NDUFAF2: variants seen among roughly 807,000 people sequenced by gnomAD.
The protein encoded by NDUFAF2 is NADH:ubiquinone oxidoreductase complex assembly factor 2.
Under a neutral mutation model 22.8 loss-of-function variants are expected in NDUFAF2, and 13 were observed. The ratio of observed to expected loss-of-function variants is 0.57; its 90% CI spans 0.37 to 0.91. The LOEUF (loss-of-function observed/expected upper bound fraction) is 0.91, where lower values mean the gene tolerates loss of function less well. Among genes scored for constraint, NDUFAF2 ranks in the 40% least tolerant of loss-of-function variants. The pLI is 0.01. For synonymous variants in NDUFAF2, 53 were observed against 64.2 expected (o/e 0.83, Z 0.84); for missense variants, 162 against 195.2 (o/e 0.83, Z 1.01).
intron 2 of NDUFAF2, among the ~76,000 whole-genome samples, chr5:61,093,038 G>A (rs7713481): frequency 0.42 from 63,631 of 152,008 alleles, 14,191 homozygotes; most frequent in East Asian, 0.81. Flanking sequence ...AATCACTGGT[G>A]TAAGTTCAAG....
intron 2 of NDUFAF2, among the ~76,000 whole-genome samples, chr5:61,074,001 C>T (rs988397598): frequency 2.0e-5 from 3 of 152,186 alleles, no homozygotes; most frequent in Non-Finnish European, 4.4e-5. Context: ...CTTTCTGGTT[C>T]CCAGTTCAGT....
chr5:61,043,786 T>C (rs1262569828), intron 1 of NDUFAF2, among the ~76,000 whole-genome samples: 1 of 152,096 alleles, frequency 6.6e-6, no homozygotes, highest in Non-Finnish European at 1.5e-5. Context: ...GTTCTATCCA[T>C]ATCTTGGCTA....
intron 1 of NDUFAF2, among the ~76,000 whole-genome samples, chr5:61,025,464 A>T (rs1451250033): frequency 1.3e-5 from 2 of 152,106 alleles, no homozygotes; most frequent in Admixed American, 6.6e-5. Flanking sequence ...TTTTTTAAAC[A>T]TATAACATTT....
At chr5:60,995,869 C>G (rs922982720) in intron 1 of NDUFAF2, among the ~76,000 whole-genome samples, 6 of 152,190 alleles carry the variant, frequency 3.9e-5, no homozygotes, top group Non-Finnish European at 8.8e-5. Context: ...AGCTGGCACT[C>G]AAACCACAAG....
intron 3 of NDUFAF2, among the ~76,000 whole-genome samples, chr5:61,116,919 C>T (rs571448052): frequency 2.6e-5 from 4 of 152,008 alleles, no homozygotes; most frequent in Middle Eastern, 3.4e-3. Context: ...GCTGAATTAT[C>T]GATAAGTACA....
In NDUFAF2 at chr5:60,985,111, G is replaced by A. The variant is rs534660931; in HGVS notation, c.127+39729G>A. Among the ~76,000 whole-genome samples, 32 of 152,234 alleles carry A rather than the reference G, an allele frequency of 2.1e-4. 1 individual carries two copies. The South Asian group carries it at 3.5e-3, about 17-fold the overall frequency. On this transcript the variant is annotated intron_variant, in intron 1 of 3. Transcript: ENST00000296597. ...TATTCAGAGATTCAGCTTCTTCATC[G>A]TTTAGTCTTGGAAGGATGTATGTGT...
At chr5:61,079,683 TTC>T (rs1010764120) in intron 2 of NDUFAF2, among the ~76,000 whole-genome samples, 4 of 152,242 alleles carry the variant, frequency 2.6e-5, no homozygotes, top group Non-Finnish European at 5.9e-5. Flanking sequence ...TTGTAGGTTT[TTC>T]TCATAGATGC....
chr5:61,143,172 T>C (rs1741082993), intron 3 of NDUFAF2, among the ~76,000 whole-genome samples: 1 of 152,126 alleles, frequency 6.6e-6, no homozygotes, highest in Non-Finnish European at 1.5e-5. Flanking sequence ...TCTGGGAGGC[T>C]ACTTTCTGGG....
At chr5:60,967,406 C>T (rs185398998) in intron 1 of NDUFAF2, among the ~76,000 whole-genome samples, 1 of 152,052 alleles carries the variant, frequency 6.6e-6, no homozygotes, top group East Asian at 1.9e-4. Context: ...GGTGAGCATC[C>T]TTGTCTTGAT....
intron 1 of NDUFAF2, among the ~76,000 whole-genome samples, chr5:60,954,532 C>A (rs974107986): frequency 1.3e-5 from 2 of 152,040 alleles, no homozygotes; most frequent in African/African-American, 4.8e-5. Context: ...CGTAACTGTT[C>A]TTTGAAATCT....
intron 3 of NDUFAF2, among the ~76,000 whole-genome samples, chr5:61,136,774 A>C (rs556513732): frequency 1.5e-4 from 23 of 152,332 alleles, no homozygotes; most frequent in African/African-American, 5.5e-4. Context: ...CAGCCCTCTG[A>C]GAGACTGCGG....
At chr5:61,014,103 TC>T (rs1008356699) in intron 1 of NDUFAF2, among the ~76,000 whole-genome samples, 2 of 152,226 alleles carry the variant, frequency 1.3e-5, no homozygotes, top group African/African-American at 4.8e-5. Flanking sequence ...ATGGGGCTGG[TC>T]CCCAGAAAGA....
At chr5:60,980,972 T>A (rs1197296756) in intron 1 of NDUFAF2, among the ~76,000 whole-genome samples, 1 of 152,022 alleles carries the variant, frequency 6.6e-6, no homozygotes, top group Non-Finnish European at 1.5e-5. Context: ...AATCTGAGAC[T>A]CTGAACTCAA....
At chr5:61,076,076 T>G (rs1475196077) in intron 2 of NDUFAF2, among the ~76,000 whole-genome samples, 2 of 151,988 alleles carry the variant, frequency 1.3e-5, no homozygotes, top group East Asian at 1.9e-4. Context: ...TTGCAGTTTT[T>G]TTGTTTGTTT....
At chr5:61,089,828 T>C (rs1752545601) in intron 2 of NDUFAF2, among the ~76,000 whole-genome samples, 1 of 152,102 alleles carries the variant, frequency 6.6e-6, no homozygotes, top group Non-Finnish European at 1.5e-5. Context: ...GCAAAACCAG[T>C]AAGCTTTAGA....
At chr5:60,979,729 A>C (rs1750950922) in intron 1 of NDUFAF2, among the ~76,000 whole-genome samples, 1 of 152,200 alleles carries the variant, frequency 6.6e-6, no homozygotes, top group African/African-American at 2.4e-5. Context: ...GCCCAAGGCC[A>C]GGAGCAACTT....
chr5:61,023,718 T>C (rs1056606123), intron 1 of NDUFAF2, among the ~76,000 whole-genome samples: 1 of 152,184 alleles, frequency 6.6e-6, no homozygotes, highest in African/African-American at 2.4e-5. Flanking sequence ...CCCTCTCTCA[T>C]TGAAGGCTTC....
intron 3 of NDUFAF2, among the ~76,000 whole-genome samples, chr5:61,136,034 TATATATATCTAG>T (rs1275510458): frequency 0.018 from 1,677 of 94,834 alleles, 67 homozygotes; most frequent in Non-Finnish European, 0.028. Context: ...TATATATATA[TATATATATCTAG>T]GGTGGATTGC....
intron 1 of NDUFAF2, among the ~76,000 whole-genome samples, chr5:61,034,305 G>A (rs1342396531): frequency 6.6e-6 from 1 of 152,138 alleles, no homozygotes; most frequent in Non-Finnish European, 1.5e-5. Context: ...GATAAATTCT[G>A]AGAAATGTGT....
Sources: gnomAD v4.1 joint callset for allele counts (sites outside exome capture counted in the v4.1 genomes callset) on GRCh38, gnomAD v4.1.1 for gene constraint, MANE v1.5 for transcripts, NCBI Gene and HGNC (gene_info 2026-07-23, HGNC 2026-07-21) for gene names.